The following BICRAL variants were observed in gnomAD, a reference collection of about 807,000 sequenced individuals.
BICRAL encodes the protein BICRA like chromatin remodeling complex associated protein.
Under a neutral mutation model 91.8 loss-of-function variants are expected in BICRAL, and 8 were observed. That is an observed-to-expected ratio of 0.09 (90% CI 0.05 to 0.16). The LOEUF (loss-of-function observed/expected upper bound fraction) is 0.16. BICRAL is among the 10% of genes least tolerant of loss of function. BICRAL has a pLI of 1.00. For synonymous variants in BICRAL, 445 were observed against 491.1 expected (o/e 0.91, Z 1.24); for missense variants, 1,038 against 1,310.9 (o/e 0.79, Z 3.21).
intron 1 of BICRAL, among the ~76,000 whole-genome samples, chr6:42,786,551 G>T (rs1308307808): frequency 2.0e-5 from 3 of 152,186 alleles, no homozygotes; most frequent in African/African-American, 2.4e-5. Context: ...AGACCGGCAA[G>T]ATCTCTGCAC....
At chr6:42,830,950 G>T (rs1000628516) in intron 6 of BICRAL, among the ~76,000 whole-genome samples, 28 of 152,198 alleles carry the variant, frequency 1.8e-4, no homozygotes, top group African/African-American at 5.5e-4. Flanking sequence ...GCATTGTAGA[G>T]TGGAGACTCT....
chr6:42,780,551 T>G (rs1438196869), upstream of BICRAL, among the ~76,000 whole-genome samples: 1 of 152,178 alleles, frequency 6.6e-6, no homozygotes, highest in African/African-American at 2.4e-5. Context: ...TTTATAACAT[T>G]TCTTAGGCTT....
intron 6 of BICRAL, among the ~76,000 whole-genome samples, chr6:42,851,035 A>G (rs1765162000): frequency 6.6e-6 from 1 of 150,992 alleles, no homozygotes; most frequent in African/African-American, 2.4e-5. Flanking sequence ...AAATAGAAAA[A>G]TTAGCCGGAC....
At chr6:42,760,176 GGAGGTTGCGGTGAGCT>G (rs903842224) in intron 1 of BICRAL, among the ~76,000 whole-genome samples, 18 of 151,936 alleles carry the variant, frequency 1.2e-4, no homozygotes, top group Non-Finnish European at 2.1e-4. Context: ...CCTGGGAGGC[GGAGGTTGCGGTGAGCT>G]GAGGTTGCGG....
chr6:42,797,250 T>G (rs1316218569), intron 1 of BICRAL, among the ~76,000 whole-genome samples: 2 of 151,924 alleles, frequency 1.3e-5, no homozygotes, highest in African/African-American at 2.4e-5. Context: ...CCAATTTAGG[T>G]TGGGATTTTA....
At chr6:42,755,731 G>A (rs1306537501) in intron 1 of BICRAL, among the ~76,000 whole-genome samples, 4 of 149,848 alleles carry the variant, frequency 2.7e-5, no homozygotes, top group Admixed American at 1.3e-4. Flanking sequence ...GTGCAATGGC[G>A]TGATCTCAGC....
Position 42,864,940 on chromosome 6 carries a change from G to T in BICRAL, c.2734G>T (p.Val912Leu), listed in dbSNP as rs767949568. 1.9e-6 allele frequency: 3 copies of T among 1,614,216 alleles called. No homozygotes were observed. The highest frequency in any genetic ancestry group is 1.7e-5 in the Admixed American group (1 of 60,018). ...RALKFDKVGL[V>L]QYQSTSEEKA... Reference sequence around the variant, plus strand: ...ACTGAAATTTGACAAAGTGGGCTTAGTGCAGTACCAGAGCACGTCTGAAGA... The same window carrying T: ...ACTGAAATTTGACAAAGTGGGCTTATTGCAGTACCAGAGCACGTCTGAAGA... The change falls in exon 13 of 13, where the codon GTG (valine) becomes TTG (leucine). Residue 912 changes from valine (V) to leucine (L), a missense_variant. Around this residue, in one of 5 missense-constraint regions of BICRAL, gnomAD observed 294 missense variants for 292.6 expected, o/e 1.00. Transcript: ENST00000314073.
chr6:42,828,353 A>G (rs913197648), intron 5 of BICRAL, 140 bp from the exon 6 acceptor site: 11 of 683,998 alleles, frequency 1.6e-5, no homozygotes, highest in African/African-American at 1.1e-4. Context: ...GTGAGCCGAG[A>G]TCACGCCACT....
At position 42,847,276 on chromosome 6, in the gene BICRAL, T is replaced by G. The variant is rs34511289; in HGVS notation, c.1840-4816T>G. On this transcript the variant is annotated intron_variant, in intron 6 of 12. Transcript: ENST00000314073. The stretch of plus-strand genomic sequence containing the variant: ...AAACAAAAACAACAATGAATAAACC[T>G]CTCAAAACCTTTTTAAAAAGCATAA... Among the ~76,000 whole-genome samples the G allele has an allele frequency of 5.2e-3, 790 of 152,214 alleles. 3 individuals are homozygous for G. The highest frequency in any genetic ancestry group is 8.8e-3 in the Non-Finnish European group (597 of 68,006).
chr6:42,794,794 CAAAAAAA>C (rs1207429482), intron 1 of BICRAL, among the ~76,000 whole-genome samples: 7 of 95,250 alleles, frequency 7.3e-5, no homozygotes, highest in African/African-American at 3.1e-4. Flanking sequence ...ACTAAAAATA[CAAAAAAA>C]AAAAAAAAAA....
chr6:42,865,461 C>T lies in BICRAL; in HGVS notation c.*15C>T. ...TAGAGTGTTAATAGCAGCAGTCCTC[C>T]CCCTACCCCGCCCCGAGACCCCACC... On this transcript the variant is annotated 3_prime_UTR_variant, in exon 13 of 13. Coordinates refer to ENST00000314073, the MANE Select transcript of BICRAL (RefSeq NM_001393499.1). 3.2e-6 allele frequency: 5 copies of T among 1,541,216 alleles called. No individual in the cohort carries two copies. Among genetic ancestry groups the T allele is most frequent in the South Asian group, 2.3e-5 (2 of 87,626 alleles).
At chr6:42,839,480 T>C (rs894082596) in intron 6 of BICRAL, among the ~76,000 whole-genome samples, 3 of 151,892 alleles carry the variant, frequency 2.0e-5, no homozygotes, top group Admixed American at 2.0e-4. Context: ...AACTTTTTAT[T>C]ATGAGGAATT....
At chr6:42,747,898 G>A (rs1440863021) in intron 1 of BICRAL, among the ~76,000 whole-genome samples, 2 of 144,422 alleles carry the variant, frequency 1.4e-5, no homozygotes, top group Non-Finnish European at 3.0e-5. Flanking sequence ...TCCGCCTCCC[G>A]AGTTCAAGTG....
intron 7 of BICRAL, 137 bp from the exon 8 acceptor site, chr6:42,853,498 CCTT>C (rs1765257487): frequency 1.6e-6 from 1 of 630,654 alleles, no homozygotes; most frequent in Non-Finnish European, 2.9e-6. Flanking sequence ...ACCCTGCCCT[CCTT>C]CTTCACAGCA....
intron 10 of BICRAL, among the ~76,000 whole-genome samples, chr6:42,857,721 C>T (rs1465110647): frequency 1.4e-5 from 2 of 148,024 alleles, no homozygotes; most frequent in African/African-American, 2.5e-5. Flanking sequence ...ACTGCCGGCT[C>T]CAGATGGGAT....
chr6:42,860,953 C>A lies in BICRAL; in HGVS notation c.2349+597C>A, dbSNP rs573843334. 3.1e-3 allele frequency among the ~76,000 whole-genome samples: 468 copies of A among 151,438 alleles called. 2 individuals carry two copies. Among genetic ancestry groups the A allele is most frequent in the African/African-American group, 0.011 (440 of 41,238 alleles). The stretch of plus-strand genomic sequence containing the variant: ...ACCAGCCTGACCAACATGGAGAAAC[C>A]CCTTCTCTACTAAAAATACAAAAAG... On this transcript the variant is annotated intron_variant, in intron 11 of 12. Transcript: ENST00000314073.
intron 1 of BICRAL, among the ~76,000 whole-genome samples, chr6:42,798,625 G>A (rs148630135): frequency 7.2e-5 from 11 of 152,006 alleles, no homozygotes; most frequent in Non-Finnish European, 8.8e-5. Context: ...AAACCCAGGA[G>A]GGGGAGGTTG....
intron 7 of BICRAL, among the ~76,000 whole-genome samples, chr6:42,853,079 A>AG (rs1765245094): frequency 2.0e-5 from 3 of 151,844 alleles, no homozygotes; most frequent in Admixed American, 6.6e-5. Context: ...AAAAAAAAAA[A>AG]AAAGAAAAGG....
At chr6:42,821,231 T>G (rs1258240390) in intron 2 of BICRAL, 2 of 152,172 alleles carry the variant, frequency 1.3e-5, no homozygotes, top group East Asian at 3.8e-4. Flanking sequence ...TCCCAGTCTG[T>G]GGGGAGAGCT....
Sources: allele counts gnomAD v4.1 joint callset (sites outside exome capture counted in the v4.1 genomes callset), GRCh38; gene constraint gnomAD v4.1.1; regional missense constraint gnomAD v4.1.1; transcripts MANE v1.5; gene names NCBI Gene and HGNC (gene_info 2026-07-23, HGNC 2026-07-21).